Variants in LRRC4B observed in about 807,000 individuals in gnomAD.
The protein encoded by LRRC4B is leucine-rich repeat-containing protein 4B.
A neutral mutation model predicts 7.3 loss-of-function variants in LRRC4B; 1 was observed. The ratio of observed to expected loss-of-function variants is 0.14; its 90% CI spans 0.05 to 0.65. The LOEUF is 0.65. Ranked by LOEUF, LRRC4B falls within the 30% of genes least tolerant of loss-of-function variation. LRRC4B has a pLI of 0.84. For missense variants in LRRC4B, 730 were observed against 1,041.6 expected (o/e 0.70, Z 4.12); for synonymous variants, 500 against 499.2 (o/e 1.00, Z -0.02).
intron 1 of LRRC4B, among the ~76,000 whole-genome samples, chr19:50,559,121 AAAAAAGAAAAAG>A (rs375775863): frequency 3.2e-4 from 49 of 152,284 alleles, no homozygotes; most frequent in African/African-American, 9.4e-4. Flanking sequence ...AACTTCCAAA[AAAAAAGAAAAAG>A]AAAAAGAAAA....
intron 2 of LRRC4B, among the ~76,000 whole-genome samples, chr19:50,522,028 A>G (rs1338099423): frequency 6.6e-6 from 1 of 151,990 alleles, no homozygotes; most frequent in Non-Finnish European, 1.5e-5. Context: ...AAATACGAAA[A>G]TTAGCCCTGT....
chr19:50,556,670 C>G lies in LRRC4B; in HGVS notation c.-35-7797G>C, dbSNP rs1420371300. ...GGAGCCCCTGAGGGCTTTGCCGCGG[C>G]GTCCACGGCTGCATCCTCAAGGCCG... On this transcript the variant is annotated intron_variant, in intron 1 of 2. Transcript: ENST00000652263. The surrounding 1 kb of genome is among the most constrained non-coding windows in gnomAD (Gnocchi z 4.2). Among the ~76,000 whole-genome samples the G allele has an allele frequency of 6.6e-6, 1 of 152,218 alleles. No individual in the cohort carries two copies. The highest frequency in any genetic ancestry group is 6.5e-5 in the Admixed American group (1 of 15,286).
Position 50,520,234 on chromosome 19 carries a change from AAAAAAAAAAAAAAGAAG to A in LRRC4B, c.298-836_298-820del, listed in dbSNP as rs1257369491. Among the ~76,000 whole-genome samples, 128 of 70,852 alleles carry A rather than the reference AAAAAAAAAAAAAAGAAG, an allele frequency of 1.8e-3. 31 individuals are homozygous for A. The highest frequency in any genetic ancestry group is 4.6e-3 in the African/African-American group (76 of 16,576). The allele number at this position is 70,852 out of a possible 152,430, so 46.5% of individuals were successfully genotyped here. On this transcript the variant is annotated intron_variant, in intron 2 of 2. Transcript: ENST00000652263. ...AAAAAAAAAAAAAAAAAAAAAAAAA[AAAAAAAAAAAAAAGAAG>A]AAAAGAAAAGAAAAATGAACAAACA...
chr19:50,567,718 C>T (rs1280021046), intron 1 of LRRC4B, among the ~76,000 whole-genome samples: 1 of 146,014 alleles, frequency 6.8e-6, no homozygotes, highest in Non-Finnish European at 1.5e-5. Flanking sequence ...GACAACCACC[C>T]CCCCCACAGC....
At chr19:50,527,388 A>G (rs1194140175) in intron 2 of LRRC4B, among the ~76,000 whole-genome samples, 3 of 122,726 alleles carry the variant, frequency 2.4e-5, no homozygotes, top group African/African-American at 9.6e-5. Flanking sequence ...GGGTTTCACC[A>G]TGTTGGCCAG....
At chr19:50,538,928 G>T (rs374990266) in intron 2 of LRRC4B, among the ~76,000 whole-genome samples, 2 of 149,572 alleles carry the variant, frequency 1.3e-5, no homozygotes, top group Non-Finnish European at 3.0e-5. Context: ...TTGCTTTGTC[G>T]CCAGGCTGGA....
rs570885195 is a variant in LRRC4B at position 50,539,376 on chromosome 19, A to T, written c.297+9166T>A. Among the ~76,000 whole-genome samples the T allele has an allele frequency of 9.1e-4, 138 of 152,146 alleles. 3 individuals are homozygous for T. In the South Asian group the frequency reaches 0.028, roughly 31 times the overall value. On this transcript the variant is annotated intron_variant, in intron 2 of 2. Transcript: ENST00000652263. ...ACTCAGAGCCTGTGCCTCCATTTCC[A>T]CGTCCATAAGATGGGAGAAGTCATC...
In LRRC4B at chr19:50,548,640, C is replaced by A; in HGVS notation, c.199G>T (p.Ala67Ser). 3 of 1,582,436 alleles carry A rather than the reference C, an allele frequency of 1.9e-6. No homozygotes were observed. Among genetic ancestry groups the A allele is most frequent in the Non-Finnish European group, 2.6e-6 (3 of 1,166,938 alleles). Residue 67 changes from alanine (A) to serine (S), a missense_variant, in exon 2 of 3, where the codon GCC (alanine) becomes TCC (serine). Around this residue, in one of 6 missense-constraint regions of LRRC4B, gnomAD observed 143 missense variants for 158.4 expected, o/e 0.90. Transcript: ENST00000652263. This position sits in a 1 kb window ranked among gnomAD's most constrained non-coding sequence, Gnocchi z 6.8. ...CTCCGTGTGCAGATCACCCGGCTGG[C>A]CTGGTTGCTGCAGGAGCAGGCCACG... ...CPVACSCSNQ[A>S]SRVICTRRDL...
chr19:50,541,542 A>C (rs2122867450), intron 2 of LRRC4B, among the ~76,000 whole-genome samples: 1 of 152,228 alleles, frequency 6.6e-6, no homozygotes, highest in Middle Eastern at 3.4e-3. Context: ...AGTTGAGGCT[A>C]CTTCTAAACG....
chr19:50,548,456 G>A lies in LRRC4B; in HGVS notation c.297+86C>T, dbSNP rs1254664203. 2.7e-6 allele frequency: 4 copies of A among 1,505,834 alleles called. No homozygotes were observed. Among genetic ancestry groups the A allele is most frequent in the South Asian group, 1.2e-5 (1 of 82,482 alleles). The allele number at this position is 1,505,834 out of a possible 1,614,324, so 93.3% of individuals were successfully genotyped here. A position where few individuals can be genotyped will look rare whatever the true frequency, so the allele number is the denominator to read the frequency against. On this transcript the variant is annotated intron_variant, in intron 2 of 2. Transcript: ENST00000652263. The surrounding 1 kb of genome is among the most constrained non-coding windows in gnomAD (Gnocchi z 6.8). Reference sequence around the variant, plus strand: ...GCCGGAGACGGGGAAGCCCCGGTGTGGGGAGGCCCAGAAGGGATGGGCTAC... The same window carrying A: ...GCCGGAGACGGGGAAGCCCCGGTGTAGGGAGGCCCAGAAGGGATGGGCTAC...
chr19:50,560,588 T>G (rs191998752), intron 1 of LRRC4B, among the ~76,000 whole-genome samples: 95 of 152,264 alleles, frequency 6.2e-4, no homozygotes, highest in Admixed American at 4.8e-3. Context: ...CACCGTCCTG[T>G]GAAGAGGAAG....
chr19:50,524,834 C>A (rs982229942), intron 2 of LRRC4B, among the ~76,000 whole-genome samples: 1 of 152,224 alleles, frequency 6.6e-6, no homozygotes, highest in Non-Finnish European at 1.5e-5. Context: ...AGCCAGCAGC[C>A]CCGATGCTGG....
At chr19:50,525,422 T>TTTA (rs1980763223) in intron 2 of LRRC4B, among the ~76,000 whole-genome samples, 1 of 151,040 alleles carries the variant, frequency 6.6e-6, no homozygotes, top group Non-Finnish European at 1.5e-5. Context: ...TTTTTTTTTT[T>TTTA]GAGAGGGAGT....
In LRRC4B at chr19:50,563,467, G is replaced by A. The variant is rs1599788966; in HGVS notation, c.-36+4477C>T. ...CAGCAAGGGTGATGGTGGAGGGGAT[G>A]CTGCTGGGCTTGAGCGCTGCCAGGC... On this transcript the variant is annotated intron_variant, in intron 1 of 2. Coordinates refer to ENST00000652263, the MANE Select transcript of LRRC4B (RefSeq NM_001080457.2). The surrounding 1 kb of genome is among the most constrained non-coding windows in gnomAD (Gnocchi z 4.9). 6.6e-6 allele frequency among the ~76,000 whole-genome samples: 1 copy of A among 152,218 alleles called. No homozygotes were observed. Among genetic ancestry groups the A allele is most frequent in the Non-Finnish European group, 1.5e-5 (1 of 68,028 alleles).
chr19:50,530,021 C>T (rs1008109897), intron 2 of LRRC4B, among the ~76,000 whole-genome samples: 10 of 151,502 alleles, frequency 6.6e-5, no homozygotes, highest in African/African-American at 1.5e-4. Context: ...AGCGGGGCTG[C>T]GGCCTTGCCC....
chr19:50,530,257 C>T (rs572032180), intron 2 of LRRC4B, among the ~76,000 whole-genome samples: 4 of 152,284 alleles, frequency 2.6e-5, no homozygotes, highest in South Asian at 2.1e-4. Context: ...TAGACGCCTC[C>T]GGGGCTCCCC....
chr19:50,523,416 A>ACCAAAAGAAAAAAGAGAAAAAGAGG (rs1980665856), intron 2 of LRRC4B, among the ~76,000 whole-genome samples: 2 of 147,666 alleles, frequency 1.4e-5, no homozygotes, highest in African/African-American at 5.0e-5. Flanking sequence ...GGTGGCTCAC[A>ACCAAAAGAAAAAAGAGAAAAAGAGG]CCTGTAATCC....
rs913632664 is a variant in LRRC4B, at chr19:50,517,079, G to A, written c.*492C>T. The A allele has an allele frequency of 6.6e-6, 1 of 152,082 alleles. No homozygotes were observed. Among genetic ancestry groups the A allele is most frequent in the Non-Finnish European group, 1.5e-5 (1 of 68,002 alleles). 9.4% of individuals were successfully genotyped at this position (152,082 alleles called of 1,614,324 possible). A position where few individuals can be genotyped will look rare whatever the true frequency, so the allele number is the denominator to read the frequency against. On this transcript the variant is annotated 3_prime_UTR_variant, in exon 3 of 3. Transcript: ENST00000652263. The surrounding 1 kb of genome is among the most constrained non-coding windows in gnomAD (Gnocchi z 6.6). Reference sequence around the variant, plus strand: ...GGACCGCCGGCCGGGAGCAGAGCCGGGCGCTGGGACGGGAGCTCTGGCGAC... The same window carrying A: ...GGACCGCCGGCCGGGAGCAGAGCCGAGCGCTGGGACGGGAGCTCTGGCGAC...
At chr19:50,541,222 G>A (rs189560702) in intron 2 of LRRC4B, among the ~76,000 whole-genome samples, 154 of 150,326 alleles carry the variant, frequency 1.0e-3, no homozygotes, top group Non-Finnish European at 1.7e-3. Flanking sequence ...AAAATTAGCC[G>A]CTCACAGTGG....
Sources: gnomAD v4.1 joint callset for allele counts (sites outside exome capture counted in the v4.1 genomes callset) on GRCh38, gnomAD v4.1.1 for gene constraint, gnomAD v4.1.1 regional missense constraint, Gnocchi (gnomAD v3.1) non-coding constraint, MANE v1.5 for transcripts, NCBI Gene and HGNC (gene_info 2026-07-23, HGNC 2026-07-21) for gene names.